PRKCB: variants seen among roughly 807,000 people sequenced by gnomAD.
PRKCB encodes protein kinase C beta.
In PRKCB, 13 loss-of-function variants were observed where a neutral mutation model predicts 81.5. That is an observed-to-expected ratio of 0.16 (90% CI 0.10 to 0.25). The LOEUF is 0.25. PRKCB is among the 10% of genes least tolerant of loss of function. The probability of loss-of-function intolerance (pLI) is 1.00; values close to 1 mark genes in which losing one functional copy is unlikely to be tolerated. For missense variants in PRKCB, 509 were observed against 875.7 expected (o/e 0.58, Z 5.29); for synonymous variants, 335 against 321.4 (o/e 1.04, Z -0.45).
At chr16:23,883,082 C>T (rs140248986) in intron 2 of PRKCB, among the ~76,000 whole-genome samples, 236 of 152,116 alleles carry the variant, frequency 1.6e-3, no homozygotes, top group Non-Finnish European at 2.7e-3. Flanking sequence ...GGGGGCATAG[C>T]GTGGCTTACA....
At chr16:23,944,626 T>A (rs1298801759) in intron 2 of PRKCB, among the ~76,000 whole-genome samples, 1 of 152,182 alleles carries the variant, frequency 6.6e-6, no homozygotes, top group African/African-American at 2.4e-5. Context: ...GGAGTGCAGA[T>A]GGGCCCCAGA....
intron 9 of PRKCB, among the ~76,000 whole-genome samples, chr16:24,135,878 C>T (rs1330592226): frequency 6.6e-6 from 1 of 152,158 alleles, no homozygotes. Flanking sequence ...TGCTATCTTC[C>T]TGCACCATAT....
At chr16:24,143,163 C>T (rs1263679246) in intron 9 of PRKCB, among the ~76,000 whole-genome samples, 3 of 152,074 alleles carry the variant, frequency 2.0e-5, no homozygotes, top group Non-Finnish European at 4.4e-5. Flanking sequence ...GATGGAGTCT[C>T]ACTCTGTCAT....
At position 24,049,047 on chromosome 16, in the gene PRKCB, G is replaced by GTTTTTTTTTTT. The variant is rs1160842975; in HGVS notation, c.529+13520_529+13530dup. Among the ~76,000 whole-genome samples, 54 of 49,694 alleles carry GTTTTTTTTTTT rather than the reference G, an allele frequency of 1.1e-3. 10 individuals carry two copies. The highest frequency in any genetic ancestry group is 1.2e-3 in the Non-Finnish European group (34 of 28,604). The allele number at this position is 49,694 out of a possible 152,430, so 32.6% of individuals were successfully genotyped here. A position where few individuals can be genotyped will look rare whatever the true frequency, so the allele number is the denominator to read the frequency against. On this transcript the variant is annotated intron_variant, in intron 5 of 16. Transcript: ENST00000643927. Reference sequence around the variant, plus strand: ...TGATAACATTTCTTCAAATTGGCCTGTTTTTTTTTTTTTTTTTTTTTTTTT... The same window carrying GTTTTTTTTTTT: ...TGATAACATTTCTTCAAATTGGCCTGTTTTTTTTTTTTTTTTTTTTTTTTTTTTTTTTTTTT...
At chr16:23,906,255 C>T (rs1260680644) in intron 2 of PRKCB, among the ~76,000 whole-genome samples, 2 of 152,116 alleles carry the variant, frequency 1.3e-5, no homozygotes, top group Non-Finnish European at 2.9e-5. Flanking sequence ...ACTAGTATCT[C>T]GCTATCATCT....
At chr16:24,212,676 A>T (rs1211322349) in intron 16 of PRKCB, among the ~76,000 whole-genome samples, 2 of 151,810 alleles carry the variant, frequency 1.3e-5, no homozygotes, top group African/African-American at 4.8e-5. Context: ...CATGTTGGTC[A>T]GGCTGGTCTC....
intron 16 of PRKCB, among the ~76,000 whole-genome samples, chr16:24,212,094 T>G (rs1388282509): frequency 6.6e-6 from 1 of 152,158 alleles, no homozygotes; most frequent in Admixed American, 6.5e-5. Context: ...TGATCCTTTT[T>G]CGGCAACTCT....
chr16:23,877,843 C>CTT lies in PRKCB; in HGVS notation c.205+40443_205+40444dup, dbSNP rs148984005. ...GCAGTCACTTCTTTTTTTTTTTTTC[C>CTT]TTTTTTTCAAAACAGAGTCTCACTC... is the stretch of plus-strand genomic sequence containing the variant. On this transcript the variant is annotated intron_variant, in intron 2 of 16. Transcript: ENST00000643927. Among the ~76,000 whole-genome samples the CTT allele has an allele frequency of 2.6e-3, 391 of 148,700 alleles. 1 individual carries two copies. Among genetic ancestry groups the CTT allele is most frequent in the Admixed American group, 4.5e-3 (67 of 15,002 alleles).
At chr16:24,130,651 C>T (rs1223076934) in intron 9 of PRKCB, among the ~76,000 whole-genome samples, 1 of 152,164 alleles carries the variant, frequency 6.6e-6, no homozygotes, top group African/African-American at 2.4e-5. Flanking sequence ...CCTGGCCACA[C>T]CCACTCTCTC....
At chr16:23,960,440 G>C (rs28482412) in intron 2 of PRKCB, among the ~76,000 whole-genome samples, 3,937 of 151,796 alleles carry the variant, frequency 0.026, 152 homozygotes, top group African/African-American at 0.09. Context: ...TTGAATTGAA[G>C]TCGTTTCATG....
chr16:23,845,999 A>G (rs573485823), intron 2 of PRKCB, among the ~76,000 whole-genome samples: 1 of 152,322 alleles, frequency 6.6e-6, no homozygotes, highest in African/African-American at 2.4e-5. Context: ...GCACAAGATT[A>G]CTCACATTGC....
chr16:23,886,772 A>G (rs1321575625), intron 2 of PRKCB, among the ~76,000 whole-genome samples: 1 of 151,770 alleles, frequency 6.6e-6, no homozygotes. Context: ...GCCTATCATC[A>G]TTTTCATTTA....
At chr16:23,934,156 C>A (rs1242465184) in intron 2 of PRKCB, among the ~76,000 whole-genome samples, 1 of 152,070 alleles carries the variant, frequency 6.6e-6, no homozygotes, top group Admixed American at 6.6e-5. Context: ...GTATAAAATG[C>A]TTTTCCTTCT....
chr16:24,173,675 C>A (rs945541784), intron 11 of PRKCB, among the ~76,000 whole-genome samples: 1 of 152,332 alleles, frequency 6.6e-6, no homozygotes, highest in South Asian at 2.1e-4. Flanking sequence ...CCTGCCCAAC[C>A]TTTGTGGCAT....
chr16:23,875,575 A>C (rs113230336), intron 2 of PRKCB, among the ~76,000 whole-genome samples: 2,407 of 10,224 alleles, frequency 0.24, 823 homozygotes, highest in Middle Eastern at 0.69. Context: ...GTGTATATCA[A>C]ACACATATGT....
At chr16:24,190,057 T>A (rs1488390305) in intron 15 of PRKCB, among the ~76,000 whole-genome samples, 2 of 152,214 alleles carry the variant, frequency 1.3e-5, no homozygotes, top group African/African-American at 4.8e-5. Context: ...GGTTTCATCT[T>A]GGCGCATCTA....
chr16:23,929,374 A>C (rs767783444), intron 2 of PRKCB, among the ~76,000 whole-genome samples: 59 of 152,080 alleles, frequency 3.9e-4, no homozygotes, highest in Non-Finnish European at 6.5e-4. Flanking sequence ...AACCAGATGG[A>C]CCTGGATTTA....
At chr16:23,880,307 G>A (rs1276026323) in intron 2 of PRKCB, among the ~76,000 whole-genome samples, 1 of 152,132 alleles carries the variant, frequency 6.6e-6, no homozygotes, top group African/African-American at 2.4e-5. Context: ...TGAGCTTTGA[G>A]AATCCCCCCA....
chr16:24,079,163 T>G (rs1380493207), intron 5 of PRKCB, among the ~76,000 whole-genome samples: 1 of 152,234 alleles, frequency 6.6e-6, no homozygotes, highest in East Asian at 1.9e-4. Context: ...GAAGGTACTT[T>G]GTACACCTAT....
Sources: gnomAD v4.1 joint callset for allele counts (sites outside exome capture counted in the v4.1 genomes callset) on GRCh38, gnomAD v4.1.1 for gene constraint, MANE v1.5 for transcripts, NCBI Gene and HGNC (gene_info 2026-07-23, HGNC 2026-07-21) for gene names.